PEAK1: variants seen among roughly 807,000 people sequenced by gnomAD.
PEAK1 encodes the protein pseudopodium enriched atypical kinase 1.
In PEAK1, 54 loss-of-function variants were observed where a neutral mutation model predicts 124.7. That is an observed-to-expected ratio of 0.43 (90% CI 0.35 to 0.54). The LOEUF is 0.54. PEAK1 is among the 20% of genes least tolerant of loss of function. The probability of loss-of-function intolerance (pLI) is 0.01; values close to 1 mark genes in which losing one functional copy is unlikely to be tolerated. For missense variants in PEAK1, 2,046 were observed against 2,134.5 expected (o/e 0.96, Z 0.82); for synonymous variants, 719 against 760.0 (o/e 0.95, Z 0.89).
rs886865950 is a variant in PEAK1 at position 77,349,597 on chromosome 15, T to C, written c.-603+15566A>G. On this transcript the variant is annotated intron_variant, in intron 2 of 9. Coordinates refer to ENST00000682557, the MANE Select transcript of PEAK1 (RefSeq NM_001385026.1). ...GTTACGGAGTCACTGAATATATGCT[T>C]GAGTATGATACTGAATCCATGTTTC... is the stretch of plus-strand genomic sequence containing the variant. 5 of 984,700 alleles carry C rather than the reference T, an allele frequency of 5.1e-6. No homozygotes were observed. In the African/African-American group the frequency reaches 8.7e-5, roughly 17 times the overall value. 61.0% of individuals were successfully genotyped at this position (984,700 alleles called of 1,614,324 possible). A position where few individuals can be genotyped will look rare whatever the true frequency, so the allele number is the denominator to read the frequency against.
In PEAK1 at chr15:77,102,917, T is replaced by G. The variant is rs921123649; in HGVS notation, c.*11239A>C. 13 of 152,318 alleles carry G rather than the reference T, an allele frequency of 8.5e-5. No individual in the cohort carries two copies. In the South Asian group the frequency reaches 2.5e-3, roughly 29 times the overall value. 9.4% of individuals were successfully genotyped at this position (152,318 alleles called of 1,614,324 possible). A position where few individuals can be genotyped will look rare whatever the true frequency, so the allele number is the denominator to read the frequency against. On this transcript the variant is annotated 3_prime_UTR_variant, in exon 7 of 7. Coordinates refer to the PEAK1 transcript ENST00000560626. The stretch of plus-strand genomic sequence containing the variant: ...AAAAAAACCCATTGAGATTTAAAAT[T>G]CAAATTTCACTAAAATTTGAGACAA...
chr15:77,311,226 C>T (rs1012619052), intron 2 of PEAK1, among the ~76,000 whole-genome samples: 4 of 152,150 alleles, frequency 2.6e-5, no homozygotes, highest in African/African-American at 7.2e-5. Flanking sequence ...TATGCAATAA[C>T]AGAGGCTGGG....
chr15:77,333,313 T>C (rs1255576128), intron 2 of PEAK1: 1 of 976,692 alleles, frequency 1.0e-6, no homozygotes, highest in Non-Finnish European at 1.2e-6. Flanking sequence ...TATTATTTGT[T>C]TAATTTTGCA....
Position 77,297,992 on chromosome 15 carries a change from A to G in PEAK1, c.-602-11488T>C, listed in dbSNP as rs1294132952. ...AGAATGGCGTGAAGCCGGGAAGCGG[A>G]GCTTGCAGTGAGCCGAGATTGCGCC... On this transcript the variant is annotated intron_variant, in intron 2 of 9. Transcript: ENST00000682557. Among the ~76,000 whole-genome samples, 4 of 126,536 alleles carry G rather than the reference A, an allele frequency of 3.2e-5. No individual in the cohort carries two copies. In the South Asian group the frequency reaches 1.1e-3, roughly 34 times the overall value. 83.0% of individuals were successfully genotyped at this position (126,536 alleles called of 152,430 possible).
intron 2 of PEAK1, chr15:77,335,401 G>C (rs2066136824): frequency 2.0e-6 from 2 of 985,258 alleles, no homozygotes; most frequent in Non-Finnish European, 2.4e-6. Context: ...ATTTAGATGG[G>C]TGAAGATAGG....
intron 2 of PEAK1, among the ~76,000 whole-genome samples, chr15:77,340,708 G>C (rs752616189): frequency 6.6e-6 from 1 of 152,118 alleles, no homozygotes; most frequent in African/African-American, 2.4e-5. Flanking sequence ...AACCATAACA[G>C]TGTATATTGT....
At chr15:77,175,843 G>C (rs2056827825) in intron 7 of PEAK1, among the ~76,000 whole-genome samples, 1 of 152,132 alleles carries the variant, frequency 6.6e-6, no homozygotes, top group Admixed American at 6.5e-5. Flanking sequence ...GCAAAGACTT[G>C]GAACCAACCC....
intron 2 of PEAK1, among the ~76,000 whole-genome samples, chr15:77,301,321 C>A (rs963495645): frequency 6.6e-6 from 1 of 152,078 alleles, no homozygotes; most frequent in Non-Finnish European, 1.5e-5. Context: ...TATAAGGACA[C>A]CCCTCATTGG....
chr15:77,260,126 G>GAAACCCA (rs1196259888), intron 5 of PEAK1, among the ~76,000 whole-genome samples: 1 of 152,096 alleles, frequency 6.6e-6, no homozygotes, highest in Non-Finnish European at 1.5e-5. Flanking sequence ...CAAGAAGAGA[G>GAAACCCA]AAACCCAAAT....
intron 6 of PEAK1, among the ~76,000 whole-genome samples, chr15:77,193,341 G>A (rs1305206564): frequency 6.6e-6 from 1 of 152,116 alleles, no homozygotes; most frequent in African/African-American, 2.4e-5. Context: ...GCTTAAATTA[G>A]TTTTATTGAT....
intron 8 of PEAK1, among the ~76,000 whole-genome samples, chr15:77,136,929 G>A (rs2053385553): frequency 6.6e-6 from 1 of 152,208 alleles, no homozygotes; most frequent in African/African-American, 2.4e-5. Context: ...GTAGTTTCGT[G>A]GGCCAGGCCC....
intron 2 of PEAK1, among the ~76,000 whole-genome samples, chr15:77,323,355 A>C (rs1435430784): frequency 7.9e-5 from 12 of 152,184 alleles, no homozygotes; most frequent in African/African-American, 1.2e-4. Context: ...CCCTGTTTGC[A>C]GATGACATGA....
chr15:77,192,367 A>G (rs1290515811), intron 6 of PEAK1, among the ~76,000 whole-genome samples: 1 of 152,242 alleles, frequency 6.6e-6, no homozygotes, highest in Non-Finnish European at 1.5e-5. Flanking sequence ...GGCATTCGAG[A>G]ACTCCAGATG....
chr15:77,378,083 T>C (rs994050566), intron 1 of PEAK1, among the ~76,000 whole-genome samples: 3 of 152,012 alleles, frequency 2.0e-5, no homozygotes, highest in African/African-American at 7.2e-5. Context: ...ATCATTTGAA[T>C]ATGCTATTAT....
At chr15:77,216,138 G>T (rs994182170) in intron 6 of PEAK1, among the ~76,000 whole-genome samples, 7 of 152,118 alleles carry the variant, frequency 4.6e-5, no homozygotes, top group African/African-American at 1.7e-4. Context: ...GAGGAGGATT[G>T]CCATCTTAAC....
chr15:77,235,239 T>C (rs1333696201), intron 6 of PEAK1, among the ~76,000 whole-genome samples: 1 of 151,846 alleles, frequency 6.6e-6, no homozygotes, highest in East Asian at 1.9e-4. Flanking sequence ...CCTGAAAATG[T>C]GGAAGTGACT....
intron 5 of PEAK1, among the ~76,000 whole-genome samples, chr15:77,270,012 T>G (rs1195196988): frequency 6.6e-6 from 1 of 152,212 alleles, no homozygotes; most frequent in African/African-American, 2.4e-5. Context: ...GAGTTCTAGT[T>G]TGATTGCACT....
chr15:77,370,816 G>A (rs1041214908), intron 1 of PEAK1: 1 of 830,314 alleles, frequency 1.2e-6, no homozygotes, highest in African/African-American at 1.9e-5. Context: ...CGGATAATGA[G>A]GTCAGGAGTT....
At chr15:77,276,054 GAAC>G (rs1423511529) in intron 5 of PEAK1, among the ~76,000 whole-genome samples, 1 of 152,020 alleles carries the variant, frequency 6.6e-6, no homozygotes, top group African/African-American at 2.4e-5. Flanking sequence ...TTGCCAGTCT[GAAC>G]AATAGGAAGA....
Sources: allele counts gnomAD v4.1 joint callset (sites outside exome capture counted in the v4.1 genomes callset), GRCh38; gene constraint gnomAD v4.1.1; transcripts MANE v1.5; gene names NCBI Gene and HGNC (gene_info 2026-07-23, HGNC 2026-07-21).